Variants in ADAMTS6 observed in about 807,000 individuals in gnomAD.
ADAMTS6 encodes ADAM metallopeptidase with thrombospondin type 1 motif 6.
In ADAMTS6, 23 loss-of-function variants were observed where a neutral mutation model predicts 144.3. The observed-to-expected ratio is 0.16, with a 90% CI of 0.11 to 0.23. The LOEUF (loss-of-function observed/expected upper bound fraction) is 0.23. Among genes scored for constraint, ADAMTS6 ranks in the 10% least tolerant of loss-of-function variants. The probability of loss-of-function intolerance (pLI) is 1.00; values close to 1 mark genes in which losing one functional copy is unlikely to be tolerated. For synonymous variants in ADAMTS6, 444 were observed against 457.5 expected (o/e 0.97, Z 0.38); for missense variants, 999 against 1,379.6 (o/e 0.72, Z 4.37).
intron 7 of ADAMTS6, among the ~76,000 whole-genome samples, chr5:65,361,007 G>C (rs996647547): frequency 1.3e-5 from 2 of 152,058 alleles, no homozygotes; most frequent in African/African-American, 2.4e-5. Context: ...AGTGAATCCT[G>C]TGGATCCTCA....
intron 16 of ADAMTS6, 101 bp downstream of exon 16, chr5:65,225,985 C>A: frequency 8.0e-7 from 1 of 1,251,630 alleles, no homozygotes; most frequent in South Asian, 2.3e-5. Context: ...AAAATGTGGT[C>A]CCCTTTTTTT....
intron 7 of ADAMTS6, among the ~76,000 whole-genome samples, chr5:65,375,929 C>A (rs1290216155): frequency 2.0e-5 from 3 of 152,070 alleles, no homozygotes; most frequent in Non-Finnish European, 4.4e-5. Flanking sequence ...TACTATGCAG[C>A]CGTAAAAAAT....
At chr5:65,424,307 C>T (rs1756319909) in intron 7 of ADAMTS6, among the ~76,000 whole-genome samples, 1 of 152,158 alleles carries the variant, frequency 6.6e-6, no homozygotes, top group South Asian at 2.1e-4. Flanking sequence ...AAGAAGTAGG[C>T]AATTAAATGG....
chr5:65,380,375 C>T lies in ADAMTS6; in HGVS notation c.1074-46290G>A, dbSNP rs551251559. On this transcript the variant is annotated intron_variant, in intron 7 of 24. Transcript: ENST00000381055. Reference sequence around the variant, plus strand: ...TCACTCGAGGTCAGTATTTTGAGGCCGGCCTGGAAAACATGGCAAAACTCC... The same window carrying T: ...TCACTCGAGGTCAGTATTTTGAGGCTGGCCTGGAAAACATGGCAAAACTCC... Among the ~76,000 whole-genome samples, 33 of 151,864 alleles carry T rather than the reference C, an allele frequency of 2.2e-4. No individual in the cohort carries two copies. The South Asian group carries it at 4.0e-3, about 18-fold the overall frequency.
In ADAMTS6 at chr5:65,188,156, C is replaced by T; in HGVS notation, c.2770G>A (p.Val924Met). The part of the protein sequence containing the change: ...TCDGGMRTRA[V>M]LCIRKIGPSE... ...GGTCCGATCTTCCTGATGCAGAGCA[C>T]TGCCCTTGTGCGCATCCCACCATCA... The change falls in exon 22 of 25, where the codon GTG becomes ATG. Residue 924 changes from valine (V) to methionine (M), a missense_variant. Transcript: ENST00000381055. 1 of 1,614,180 alleles carries T rather than the reference C, an allele frequency of 6.2e-7. No homozygotes were observed. The highest frequency in any genetic ancestry group is 8.5e-7 in the Non-Finnish European group (1 of 1,180,004).
At chr5:65,459,273 G>C (rs73762006) in intron 4 of ADAMTS6, among the ~76,000 whole-genome samples, 7,973 of 152,160 alleles carry the variant, frequency 0.052, 410 homozygotes, top group African/African-American at 0.14. Flanking sequence ...ATTGCTGCAA[G>C]AGTAGTCTTT....
intron 7 of ADAMTS6, among the ~76,000 whole-genome samples, chr5:65,434,637 G>A (rs1222576809): frequency 6.6e-6 from 1 of 152,106 alleles, no homozygotes; most frequent in Admixed American, 6.5e-5. Flanking sequence ...TTCCCTTATT[G>A]TTTACTAGTA....
At chr5:65,278,692 C>G (rs1226910238) in intron 11 of ADAMTS6, among the ~76,000 whole-genome samples, 1 of 152,174 alleles carries the variant, frequency 6.6e-6, no homozygotes, top group Non-Finnish European at 1.5e-5. Flanking sequence ...TTACCACTAT[C>G]TTCTGAATCC....
intron 14 of ADAMTS6, among the ~76,000 whole-genome samples, chr5:65,246,510 A>G (rs1759642459): frequency 6.6e-6 from 1 of 152,146 alleles, no homozygotes; most frequent in South Asian, 2.1e-4. Flanking sequence ...CAAGATAAGG[A>G]GATTGACAGT....
intron 7 of ADAMTS6, among the ~76,000 whole-genome samples, chr5:65,417,553 C>T (rs1423608927): frequency 6.6e-6 from 1 of 152,082 alleles, no homozygotes; most frequent in Non-Finnish European, 1.5e-5. Flanking sequence ...AATCAATATA[C>T]AAAAACCCCT....
At chr5:65,329,279 T>A in intron 9 of ADAMTS6, 99 bp downstream of exon 9, 1 of 980,880 alleles carries the variant, frequency 1.0e-6, no homozygotes, top group Non-Finnish European at 1.5e-6. Flanking sequence ...GACAAAAAGG[T>A]AGTAAAATAA....
chr5:65,185,911 G>C (rs914721878), intron 22 of ADAMTS6, among the ~76,000 whole-genome samples: 1 of 152,158 alleles, frequency 6.6e-6, no homozygotes, highest in Non-Finnish European at 1.5e-5. Context: ...CAGAAGATCA[G>C]TGTGAAATGA....
chr5:65,290,206 C>T (rs1190532337), intron 11 of ADAMTS6, among the ~76,000 whole-genome samples: 1 of 152,086 alleles, frequency 6.6e-6, no homozygotes, highest in Admixed American at 6.6e-5. Flanking sequence ...ACTACCTTAA[C>T]CCTTAATTAT....
chr5:65,214,908 C>G lies in ADAMTS6; in HGVS notation c.2461G>C (p.Gly821Arg). Reference protein sequence around the residue: ...VMVLLQEQNLGIRYKFNVPIT... With the variant: ...VMVLLQEQNLRIRYKFNVPIT... ...GGAACATTGAACTTATACCTAATTC[C>G]CAAATTCTGTTCTTGAAGCAGAACC... is the stretch of plus-strand genomic sequence containing the variant. Residue 821 changes from glycine (G) to arginine (R), a missense_variant, in exon 20 of 25, where the codon GGA becomes CGA. Coordinates refer to ENST00000381055, the MANE Select transcript of ADAMTS6 (RefSeq NM_197941.4). This position sits in a 1 kb window ranked among gnomAD's most constrained non-coding sequence, Gnocchi z 4.6. The G allele has an allele frequency of 6.2e-7, 1 of 1,613,744 alleles. No individual in the cohort carries two copies.
intron 24 of ADAMTS6, among the ~76,000 whole-genome samples, chr5:65,162,620 TACACACACACACACACACACAC>T (rs10529076): frequency 6.9e-6 from 1 of 145,834 alleles, no homozygotes; most frequent in Non-Finnish European, 1.5e-5. Flanking sequence ...TATAAGATAC[TACACACACACACACACACACAC>T]ACACACACAC....
intron 10 of ADAMTS6, among the ~76,000 whole-genome samples, chr5:65,295,763 T>C (rs1742777266): frequency 6.6e-6 from 1 of 152,068 alleles, no homozygotes; most frequent in Non-Finnish European, 1.5e-5. Context: ...AATACATTAG[T>C]TTTAGAATAT....
intron 9 of ADAMTS6, among the ~76,000 whole-genome samples, chr5:65,303,328 C>T (rs972262501): frequency 6.6e-6 from 1 of 152,064 alleles, no homozygotes; most frequent in African/African-American, 2.4e-5. Context: ...TCAGCATTCA[C>T]ATCTATAGAA....
At chr5:65,242,035 A>T in intron 15 of ADAMTS6, 69 bp downstream of exon 15, 2 of 1,082,824 alleles carry the variant, frequency 1.8e-6, no homozygotes, top group Non-Finnish European at 2.6e-6. Context: ...ATGTGTTTGT[A>T]TATATTTGTA....
chr5:65,354,621 T>C (rs1749158923), intron 7 of ADAMTS6, among the ~76,000 whole-genome samples: 1 of 151,838 alleles, frequency 6.6e-6, no homozygotes, highest in Non-Finnish European at 1.5e-5. Flanking sequence ...CTACTAACTT[T>C]ATTCTTCTAT....
Sources: allele counts gnomAD v4.1 joint callset (sites outside exome capture counted in the v4.1 genomes callset), GRCh38; gene constraint gnomAD v4.1.1; non-coding constraint Gnocchi (gnomAD v3.1); transcripts MANE v1.5; gene names NCBI Gene and HGNC (gene_info 2026-07-23, HGNC 2026-07-21).